CTSE: variants seen among roughly 807,000 people sequenced by gnomAD.
The protein encoded by CTSE is cathepsin E.
In CTSE, 43 loss-of-function variants were observed where a neutral mutation model predicts 42.8. The observed-to-expected ratio is 1.01, with a 90% CI of 0.79 to 1.30. The LOEUF is 1.30. Among genes scored for constraint, CTSE ranks in the 50% most tolerant of loss-of-function variants. The probability of loss-of-function intolerance (pLI) is 0.00; values close to 1 mark genes in which losing one functional copy is unlikely to be tolerated. For missense variants in CTSE, 532 were observed against 493.5 expected (o/e 1.08, Z -0.74); for synonymous variants, 205 against 191.5 (o/e 1.07, Z -0.58).
intron 2 of CTSE, among the ~76,000 whole-genome samples, 196 bp from the exon 3 acceptor site, chr1:206,022,463 AAACC>A (rs1661468739): frequency 6.6e-6 from 1 of 152,066 alleles, no homozygotes. Flanking sequence ...GGAGGAAATC[AAACC>A]AAGCCTCTGG....
intron 3 of CTSE, among the ~76,000 whole-genome samples, chr1:206,021,716 C>T (rs1216936194): frequency 6.6e-6 from 1 of 152,006 alleles, no homozygotes; most frequent in Non-Finnish European, 1.5e-5. Context: ...GCCCCACCAG[C>T]CCCACCTGTG....
chr1:206,012,098 C>T (rs1176044431), intron 8 of CTSE, among the ~76,000 whole-genome samples: 1 of 152,152 alleles, frequency 6.6e-6, no homozygotes, highest in Non-Finnish European at 1.5e-5. Context: ...TTCACTACTG[C>T]TTCATGGCAG....
intron 3 of CTSE, among the ~76,000 whole-genome samples, chr1:206,021,642 T>C (rs1661428061): frequency 6.6e-6 from 1 of 151,962 alleles, no homozygotes; most frequent in Non-Finnish European, 1.5e-5. Context: ...GTAGCTCTTC[T>C]TTTCCAATCC....
chr1:206,023,454 C>T (rs1661511904), intron 1 of CTSE, among the ~76,000 whole-genome samples: 1 of 152,004 alleles, frequency 6.6e-6, no homozygotes. Context: ...CAAACCACAA[C>T]TGCAGGTTCC....
Position 206,023,706 on chromosome 1 carries a change from G to A in CTSE, c.68+18C>T. The A allele has an allele frequency of 6.2e-7, 1 of 1,611,566 alleles. No individual in the cohort carries two copies. The highest frequency in any genetic ancestry group is 8.5e-7 in the Non-Finnish European group (1 of 1,177,794). On this transcript the variant is annotated intron_variant, in intron 1 of 8. Transcript: ENST00000358184. ...ATGGGACTACCCAGCTGAACACAGT[G>A]CGGGGACGTCTTCTCACCTGTGAAG...
At position 206,010,162 on chromosome 1, in the gene CTSE, G is replaced by A; in HGVS notation, c.*21C>T. On this transcript the variant is annotated 3_prime_UTR_variant, in exon 9 of 9. Coordinates refer to ENST00000358184, the MANE Select transcript of CTSE (RefSeq NM_001910.4). ...TATTCAAGGTCTGTCAGACAGGCAG[G>A]CACAGACACAAGGCCCCTCCTTAGG... 1 of 1,613,144 alleles carries A rather than the reference G, an allele frequency of 6.2e-7. No individual in the cohort carries two copies. Among genetic ancestry groups the A allele is most frequent in the African/African-American group, 1.3e-5 (1 of 74,994 alleles).
chr1:206,012,282 C>T lies in CTSE; in HGVS notation c.1026+26G>A, dbSNP rs1425300795. 14 of 1,594,736 alleles carry T rather than the reference C, an allele frequency of 8.8e-6. 1 individual carries two copies. Among genetic ancestry groups the T allele is most frequent in the Non-Finnish European group, 1.1e-5 (13 of 1,163,424 alleles). On this transcript the variant is annotated intron_variant, in intron 8 of 8. Coordinates refer to ENST00000358184, the MANE Select transcript of CTSE (RefSeq NM_001910.4). The stretch of plus-strand genomic sequence containing the variant: ...AGGCATGTGGGGAGGGCCCTGTGGC[C>T]TGCAGAATAAGGAAACAGTTCTTAC...
intron 4 of CTSE, among the ~76,000 whole-genome samples, chr1:206,016,448 C>G (rs181427547): frequency 6.6e-6 from 1 of 152,024 alleles, no homozygotes; most frequent in African/African-American, 2.4e-5. Context: ...TCTTTGGTAT[C>G]TGGCTTCTGT....
rs1661088128 is a variant in CTSE at position 206,011,158 on chromosome 1, C to T, written c.1027-811G>A. Reference sequence around the variant, plus strand: ...GCACAAGACCTTGTGATCCACCCGCCTCGGCCTCCCAAAGTCCTGGGATTA... The same window carrying T: ...GCACAAGACCTTGTGATCCACCCGCTTCGGCCTCCCAAAGTCCTGGGATTA... On this transcript the variant is annotated intron_variant, in intron 8 of 8. Coordinates refer to ENST00000358184, the MANE Select transcript of CTSE (RefSeq NM_001910.4). Among the ~76,000 whole-genome samples, 7 of 151,996 alleles carry T rather than the reference C, an allele frequency of 4.6e-5. No homozygotes were observed. The South Asian group carries it at 1.5e-3, about 32-fold the overall frequency.
Position 206,010,093 on chromosome 1 carries a change from G to A in CTSE, c.*90C>T. 1.9e-6 allele frequency: 3 copies of A among 1,539,380 alleles called. No individual in the cohort carries two copies. Among genetic ancestry groups the A allele is most frequent in the Non-Finnish European group, 2.7e-6 (3 of 1,115,980 alleles). ...AACCCTGGAAACAGCTACATTCTCT[G>A]GAAAATAACTTTTTGTAGGTGTAAA... is the stretch of plus-strand genomic sequence containing the variant. On this transcript the variant is annotated 3_prime_UTR_variant, in exon 9 of 9. Coordinates refer to ENST00000358184, the MANE Select transcript of CTSE (RefSeq NM_001910.4).
chr1:206,022,846 C>G lies in CTSE; in HGVS notation c.225+55G>C, dbSNP rs528068122. On this transcript the variant is annotated intron_variant, in intron 2 of 8. Coordinates refer to ENST00000358184, the MANE Select transcript of CTSE (RefSeq NM_001910.4). ...ATGTGGCACTGGCCATGCCCTAATG[C>G]TGGGCCTTCCTCCCGCTCCCACCTC... 89 of 1,492,466 alleles carry G rather than the reference C, an allele frequency of 6.0e-5. No individual in the cohort carries two copies. The African/African-American group carries it at 1.2e-3, about 20-fold the overall frequency. The allele number at this position is 1,492,466 out of a possible 1,614,324, so 92.5% of individuals were successfully genotyped here. A position where few individuals can be genotyped will look rare whatever the true frequency, so the allele number is the denominator to read the frequency against.
In CTSE at chr1:206,013,861, A is replaced by C. The variant is rs782487191; in HGVS notation, c.696T>G (p.Ile232Met). 8 of 1,613,754 alleles carry C rather than the reference A, an allele frequency of 5.0e-6. No homozygotes were observed. Among genetic ancestry groups the C allele is most frequent in the Non-Finnish European group, 5.9e-6 (7 of 1,179,800 alleles). The change falls in exon 6 of 9, where the codon ATT becomes ATG. Residue 232 changes from isoleucine to methionine, a missense_variant. Ile to Met is a conservative substitution (Grantham distance 10). Transcript: ENST00000358184. ...AATGGGAGTGGTCGTAGCCTCCAAA[A>C]ATCAGCTCGCTCCCCGCACCACCTT... ...NPEGGAGSEL[I>M]FGGYDHSHFS...
intron 8 of CTSE, 33 bp from the exon 9 acceptor site, chr1:206,010,380 A>C: frequency 6.3e-7 from 1 of 1,584,868 alleles, no homozygotes; most frequent in Non-Finnish European, 8.7e-7. Flanking sequence ...CAAATGACAA[A>C]CGGGGGAAGA....
chr1:206,022,885 C>A lies in CTSE; in HGVS notation c.225+16G>T, dbSNP rs782370952. On this transcript the variant is annotated intron_variant, in intron 2 of 8. Coordinates refer to ENST00000358184, the MANE Select transcript of CTSE (RefSeq NM_001910.4). Reference sequence around the variant, plus strand: ...CGCTCCCACCTCTCCCCAGCCCTGACCCCAGGAGGCCTCACATCCAAGTAG... The same window carrying A: ...CGCTCCCACCTCTCCCCAGCCCTGAACCCAGGAGGCCTCACATCCAAGTAG... The A allele has an allele frequency of 6.4e-7, 1 of 1,557,898 alleles. No individual in the cohort carries two copies.
At chr1:206,015,788 A>G in intron 5 of CTSE, 143 bp downstream of exon 5, 1 of 681,362 alleles carries the variant, frequency 1.5e-6, no homozygotes, top group Non-Finnish European at 2.5e-6. Context: ...ATATTCAGAG[A>G]GGTTAAATGT....
intron 4 of CTSE, among the ~76,000 whole-genome samples, chr1:206,020,194 T>C (rs1263073109): frequency 1.3e-5 from 2 of 148,986 alleles, no homozygotes; most frequent in Admixed American, 1.3e-4. Context: ...TTATATATTA[T>C]ATATGTAATG....
chr1:206,023,779 G>C lies in CTSE; in HGVS notation c.13C>G (p.Leu5Val). 1 of 1,613,668 alleles carries C rather than the reference G, an allele frequency of 6.2e-7. No individual in the cohort carries two copies. The highest frequency in any genetic ancestry group is 8.5e-7 in the Non-Finnish European group (1 of 1,179,780). The change falls in exon 1 of 9, where the codon CTT (leucine) becomes GTT (valine). Residue 5 changes from leucine (L) to valine (V), a missense_variant. Physicochemically the swap from Leu to Val is conservative, Grantham distance 32 (BLOSUM62 1). Transcript: ENST00000358184. The stretch of plus-strand genomic sequence containing the variant: ...TCCAGGAGCACCAGCAGCAAAAGAA[G>C]GAGCGTTTTCATTGTGAGTCCGACC... The part of the protein sequence containing the change: MKTL[L>V]LLLLVLLELG...
intron 5 of CTSE, among the ~76,000 whole-genome samples, chr1:206,015,574 T>C (rs147787720): frequency 4.6e-5 from 7 of 152,220 alleles, no homozygotes; most frequent in African/African-American, 1.7e-4. Context: ...CATTTTTTTC[T>C]GCCTCCTCCT....
Position 206,009,877 on chromosome 1 carries a change from G to T in CTSE, c.*306C>A. On this transcript the variant is annotated 3_prime_UTR_variant, in exon 9 of 9. Coordinates refer to ENST00000358184, the MANE Select transcript of CTSE (RefSeq NM_001910.4). ...ATGATCTCTGCTTGTGCATATGTTT[G>T]GAGATTTTCATAATCAAATGTGAAA... 2.6e-6 allele frequency: 1 copy of T among 384,404 alleles called. No individual in the cohort carries two copies. Among genetic ancestry groups the T allele is most frequent in the Non-Finnish European group, 4.9e-6 (1 of 204,498 alleles). 23.8% of individuals were successfully genotyped at this position (384,404 alleles called of 1,614,324 possible).
Sources: gnomAD v4.1 joint callset for allele counts (sites outside exome capture counted in the v4.1 genomes callset) on GRCh38, gnomAD v4.1.1 for gene constraint, MANE v1.5 for transcripts, NCBI Gene and HGNC (gene_info 2026-07-23, HGNC 2026-07-21) for gene names.